The following KAZN variants were observed in gnomAD, a reference collection of about 807,000 sequenced individuals.
KAZN encodes kazrin.
In KAZN, 40 loss-of-function variants were observed where a neutral mutation model predicts 87.4. The observed-to-expected ratio is 0.46, with a 90% CI of 0.36 to 0.60. KAZN has a LOEUF of 0.60. Ranked by LOEUF, KAZN falls within the 20% of genes least tolerant of loss-of-function variation. KAZN has a pLI of 0.00. For missense variants in KAZN, 898 were observed against 1,073.9 expected (o/e 0.84, Z 2.29); for synonymous variants, 466 against 458.3 (o/e 1.02, Z -0.22).
intron 2 of KAZN, among the ~76,000 whole-genome samples, chr1:14,278,926 C>CT (rs77998358): frequency 0.092 from 8,939 of 96,924 alleles, 752 homozygotes; most frequent in African/African-American, 0.22. Flanking sequence ...TCAAATTCAG[C>CT]TTTTTTTTTT....
At chr1:14,807,979 G>C (rs1646276960) in intron 1 of KAZN, among the ~76,000 whole-genome samples, 1 of 152,144 alleles carries the variant, frequency 6.6e-6, no homozygotes, top group African/African-American at 2.4e-5. Flanking sequence ...TCACTCCCAA[G>C]ACAAAGGAGC....
At chr1:14,096,938 A>C (rs1230106699) in intron 1 of KAZN, among the ~76,000 whole-genome samples, 1 of 152,252 alleles carries the variant, frequency 6.6e-6, no homozygotes, top group Non-Finnish European at 1.5e-5. Flanking sequence ...ACAAACATGG[A>C]GCCCAGGCTT....
At chr1:13,900,244 C>A (rs751704236) in intron 1 of KAZN, among the ~76,000 whole-genome samples, 41 of 152,140 alleles carry the variant, frequency 2.7e-4, no homozygotes, top group Non-Finnish European at 4.9e-4. Flanking sequence ...ACTCTGAACT[C>A]CAGGCCTTAA....
chr1:14,664,337 G>A lies in KAZN; in HGVS notation c.226+65114G>A, dbSNP rs1639376427. On this transcript the variant is annotated intron_variant, in intron 1 of 14. Transcript: ENST00000376030. ...AGTCCCAGCTACTCGGGAGGCTGAG[G>A]CATGAGAATTGCTTAAACCTGGGGG... is the stretch of plus-strand genomic sequence containing the variant. Among the ~76,000 whole-genome samples, 4 of 152,232 alleles carry A rather than the reference G, an allele frequency of 2.6e-5. No homozygotes were observed. The South Asian group carries it at 8.3e-4, about 32-fold the overall frequency.
chr1:14,970,457 ACTGACAGTCTACACAT>A (rs1362214822), intron 2 of KAZN, among the ~76,000 whole-genome samples: 2 of 152,144 alleles, frequency 1.3e-5, no homozygotes, highest in Non-Finnish European at 2.9e-5. Context: ...GGTTCTGGTG[ACTGACAGTCTACACAT>A]TTGCAACAAA....
chr1:14,971,957 G>A (rs1213244111), intron 2 of KAZN, among the ~76,000 whole-genome samples: 3 of 152,136 alleles, frequency 2.0e-5, no homozygotes, highest in Non-Finnish European at 4.4e-5. Flanking sequence ...TCCAGCCCCC[G>A]GAAATGCCAG....
At chr1:13,931,887 G>T (rs546758996) in intron 1 of KAZN, among the ~76,000 whole-genome samples, 1 of 152,264 alleles carries the variant, frequency 6.6e-6, no homozygotes, top group African/African-American at 2.4e-5. Flanking sequence ...GCCCAGGCTG[G>T]AGTGCAGTGG....
At chr1:14,356,369 G>T (rs560886537) in intron 2 of KAZN, among the ~76,000 whole-genome samples, 1 of 152,212 alleles carries the variant, frequency 6.6e-6, no homozygotes, top group Non-Finnish European at 1.5e-5. Flanking sequence ...CTTTCATTCT[G>T]TAGGCTGCCT....
At chr1:14,907,734 C>T (rs1322669877) in intron 1 of KAZN, among the ~76,000 whole-genome samples, 3 of 151,990 alleles carry the variant, frequency 2.0e-5, no homozygotes, top group African/African-American at 7.3e-5. Context: ...GGGGGGTGGA[C>T]AGAGTAAGGA....
chr1:14,247,683 T>C (rs576685958), intron 2 of KAZN, among the ~76,000 whole-genome samples: 119 of 152,372 alleles, frequency 7.8e-4, no homozygotes, highest in Non-Finnish European at 1.4e-3. Flanking sequence ...ATTCAAGGTG[T>C]GCACATAGTC....
intron 1 of KAZN, among the ~76,000 whole-genome samples, chr1:14,933,179 C>T (rs748237848): frequency 2.6e-5 from 4 of 152,182 alleles, no homozygotes; most frequent in Non-Finnish European, 4.4e-5. Flanking sequence ...GCAACCTCTG[C>T]CTCCTGGGTT....
intron 2 of KAZN, among the ~76,000 whole-genome samples, chr1:14,554,152 T>A (rs1673717281): frequency 6.6e-6 from 1 of 152,158 alleles, no homozygotes; most frequent in African/African-American, 2.4e-5. Context: ...ATAACTCATG[T>A]CACTGGGTTC....
intron 1 of KAZN, among the ~76,000 whole-genome samples, chr1:13,966,097 C>T (rs574130781): frequency 6.6e-6 from 1 of 152,150 alleles, no homozygotes; most frequent in East Asian, 1.9e-4. Flanking sequence ...CTGAGCTCTC[C>T]TAAGCCTTTG....
At chr1:14,294,449 T>C (rs1653961423) in intron 2 of KAZN, among the ~76,000 whole-genome samples, 1 of 151,982 alleles carries the variant, frequency 6.6e-6, no homozygotes, top group African/African-American at 2.4e-5. Context: ...TGCTAAGCTC[T>C]GCAGATGAAG....
chr1:14,664,451 G>T (rs770920872), intron 1 of KAZN, among the ~76,000 whole-genome samples: 1 of 152,028 alleles, frequency 6.6e-6, no homozygotes, highest in Non-Finnish European at 1.5e-5. Flanking sequence ...GTAGAATGGC[G>T]GTTGCCAGGG....
chr1:14,711,571 T>C (rs1297117039), intron 1 of KAZN, among the ~76,000 whole-genome samples: 1 of 152,202 alleles, frequency 6.6e-6, no homozygotes, highest in Non-Finnish European at 1.5e-5. Flanking sequence ...GATTAGGTTA[T>C]GAAGGACAGT....
rs1381817224 is a variant in KAZN, at chr1:15,099,227, G to C, written c.1548-2316G>C. On this transcript the variant is annotated intron_variant, in intron 10 of 14. Transcript: ENST00000376030. The surrounding 1 kb of genome is among the most constrained non-coding windows in gnomAD (Gnocchi z 5.4). ...TGAAGCCAAGCTGCAAGCCCATCCT[G>C]CTCTTAGCCATTATTCCAGGAAGCA... Among the ~76,000 whole-genome samples, 1 of 152,178 alleles carries C rather than the reference G, an allele frequency of 6.6e-6. No individual in the cohort carries two copies. The highest frequency in any genetic ancestry group is 1.5e-5 in the Non-Finnish European group (1 of 68,016).
At chr1:14,413,347 T>A (rs1664458421) in intron 2 of KAZN, among the ~76,000 whole-genome samples, 2 of 151,984 alleles carry the variant, frequency 1.3e-5, no homozygotes, top group Admixed American at 1.3e-4. Context: ...TCCCAGCACT[T>A]TGAGAGGCTG....
chr1:15,076,607 C>T (rs1040559622), intron 8 of KAZN, among the ~76,000 whole-genome samples: 1 of 152,242 alleles, frequency 6.6e-6, no homozygotes, highest in Non-Finnish European at 1.5e-5. Context: ...GAGCAGGAAC[C>T]CAGGCCCTGA....
Sources: allele counts gnomAD v4.1 joint callset (sites outside exome capture counted in the v4.1 genomes callset), GRCh38; gene constraint gnomAD v4.1.1; non-coding constraint Gnocchi (gnomAD v3.1); transcripts MANE v1.5; gene names NCBI Gene and HGNC (gene_info 2026-07-23, HGNC 2026-07-21).